Variants in DOK1 observed in about 807,000 individuals in gnomAD.
DOK1 encodes the protein Downstream of tyrosine kinase 1.
Under a neutral mutation model 24.0 loss-of-function variants are expected in DOK1, and 12 were observed. The observed-to-expected ratio is 0.50, with a 90% CI of 0.32 to 0.81. DOK1 has a LOEUF of 0.81. Among genes scored for constraint, DOK1 ranks in the 30% least tolerant of loss-of-function variants. DOK1 has a pLI of 0.03. For missense variants in DOK1, 591 were observed against 620.7 expected (o/e 0.95, Z 0.51); for synonymous variants, 250 against 260.9 (o/e 0.96, Z 0.40).
chr2:74,556,086 GGCTGT>G lies in DOK1; in HGVS notation c.639+9_639+13del. The G allele has an allele frequency of 4.4e-6, 7 of 1,575,912 alleles. No homozygotes were observed. The highest frequency in any genetic ancestry group is 6.0e-6 in the Non-Finnish European group (7 of 1,158,476). Reference sequence around the variant, plus strand: ...CGCTATGGCCGGGACAAGGTGCAGGGGCTGTCCGGGAGGGCTTCCTGGGTTGGGCA... The same window carrying G: ...CGCTATGGCCGGGACAAGGTGCAGGGCCGGGAGGGCTTCCTGGGTTGGGCA... On this transcript the variant is annotated intron_variant, in intron 4 of 4. Coordinates refer to ENST00000233668, the MANE Select transcript of DOK1 (RefSeq NM_001381.5). This position sits in a 1 kb window ranked among gnomAD's most constrained non-coding sequence, Gnocchi z 4.1.
rs1432214105 is a variant in DOK1, at chr2:74,557,049, TGGGACTGTGGGCTCTCTAGAGTA to T, written c.1389_1411del (p.Cys463Ter). 1.2e-6 allele frequency: 2 copies of T among 1,613,978 alleles called. No homozygotes were observed. The highest frequency in any genetic ancestry group is 2.7e-5 in the African/African-American group (2 of 74,908). On this transcript the variant is annotated frameshift_variant, in exon 5 of 5. Coordinates refer to ENST00000233668, the MANE Select transcript of DOK1 (RefSeq NM_001381.5). LOFTEE classifies it high-confidence loss of function. The stretch of plus-strand genomic sequence containing the variant: ...CCAGAAGAGCGGGGCCTCAGGGAGC[TGGGACTGTGGGCTCTCTAGAGTA>T]GGGACTGACAAGACTGGGGTCAAGT...
chr2:74,552,451 G>T (rs150838046), upstream of DOK1: 2 of 1,613,884 alleles, frequency 1.2e-6, no homozygotes, highest in Non-Finnish European at 1.7e-6. Flanking sequence ...TCACCAGCTC[G>T]CTGTATCTCC....
At position 74,555,661 on chromosome 2, in the gene DOK1, C is replaced by G; in HGVS notation, c.447C>G (p.Thr149=). The change falls in exon 3 of 5, where the codon ACC becomes ACG. Residue 149 remains threonine (T), a synonymous_variant. Coordinates refer to ENST00000233668, the MANE Select transcript of DOK1 (RefSeq NM_001381.5). This position sits in a 1 kb window ranked among gnomAD's most constrained non-coding sequence, Gnocchi z 6.1. ...TGGAGAACTCCTTGTACAGCCCTAC[C>G]TGGGAAGGTAGACGCCTCAGAAGCC... ...EMLENSLYSP[T]WEGSQFWVTV... 6.2e-7 allele frequency: 1 copy of G among 1,613,990 alleles called. No individual in the cohort carries two copies. The highest frequency in any genetic ancestry group is 8.5e-7 in the Non-Finnish European group (1 of 1,179,980).
chr2:74,556,672 C>T lies in DOK1; in HGVS notation c.1004C>T (p.Pro335Leu), dbSNP rs138726521. ...QAGEGVQRKK[P>L]LYWDLYEHAQ... Reference sequence around the variant, plus strand: ...GGAGAGGGAGTACAACGGAAGAAACCTCTCTATTGGGACTTGTATGAGCAT... The same window carrying T: ...GGAGAGGGAGTACAACGGAAGAAACTTCTCTATTGGGACTTGTATGAGCAT... Residue 335 changes from proline (P) to leucine (L), a missense_variant, in exon 5 of 5, where the codon CCT (proline) becomes CTT (leucine). By Grantham distance (98) the Pro-to-Leu change is moderately conservative. Transcript: ENST00000233668. The surrounding 1 kb of genome is among the most constrained non-coding windows in gnomAD (Gnocchi z 4.1). The T allele has an allele frequency of 1.2e-6, 2 of 1,614,150 alleles. No individual in the cohort carries two copies. Among genetic ancestry groups the T allele is most frequent in the Admixed American group, 1.7e-5 (1 of 60,016 alleles).
upstream of DOK1, chr2:74,550,140 G>T: frequency 6.3e-7 from 1 of 1,580,032 alleles, no homozygotes; most frequent in Non-Finnish European, 8.6e-7. Context: ...CAGTACTCTC[G>T]GCTATCCTGG....
rs767636262 is a variant in DOK1, at chr2:74,555,370, A to G, written c.277A>G (p.Thr93Ala). ...EPGATAFRLD[T>A]AQRSHLLAAD... ...CGGCGCCACTGCCTTCCGCCTGGACACTGCTCAGCGCTCGCACCTGCTGGC... is the reference window on the plus strand; with the variant it reads ...CGGCGCCACTGCCTTCCGCCTGGACGCTGCTCAGCGCTCGCACCTGCTGGC... Residue 93 changes from threonine (T) to alanine (A), a missense_variant, in exon 2 of 5, where the codon ACT becomes GCT. Thr to Ala is a moderately conservative substitution (Grantham distance 58). Transcript: ENST00000233668. This position sits in a 1 kb window ranked among gnomAD's most constrained non-coding sequence, Gnocchi z 6.1. The G allele has an allele frequency of 8.7e-6, 14 of 1,613,476 alleles. No homozygotes were observed. The South Asian group carries it at 1.5e-4, about 18-fold the overall frequency.
upstream of DOK1, chr2:74,554,542 C>T: frequency 1.7e-6 from 1 of 577,824 alleles, no homozygotes; most frequent in Non-Finnish European, 3.1e-6. This position sits in a 1 kb window ranked among gnomAD's most constrained non-coding sequence, Gnocchi z 4.9. Context: ...GCCCCCACGA[C>T]GGCGGGTAGG....
At chr2:74,552,533 C>T (rs1019312619), upstream of DOK1, 33 of 1,613,104 alleles carry the variant, frequency 2.0e-5, no homozygotes, top group Non-Finnish European at 2.8e-5. Context: ...CGGCCTTCTT[C>T]TCAGGGCCCG....
rs575981269 is a variant in DOK1 at position 74,555,841 on chromosome 2, C to T, written c.455-53C>T. 9 of 1,582,732 alleles carry T rather than the reference C, an allele frequency of 5.7e-6. No homozygotes were observed. In the East Asian group the frequency reaches 1.8e-4, roughly 32 times the overall value. On this transcript the variant is annotated intron_variant, in intron 3 of 4. Coordinates refer to ENST00000233668, the MANE Select transcript of DOK1 (RefSeq NM_001381.5). The surrounding 1 kb of genome is among the most constrained non-coding windows in gnomAD (Gnocchi z 6.1). ...TATGCTCATGAGTCCTCTGGGTCCC[C>T]ACTGCTGCCCCCGTCCCTCCCCCGC...
At chr2:74,553,906 G>C (rs1677193862), upstream of DOK1, 3 of 150,210 alleles carry the variant, frequency 2.0e-5, no homozygotes, top group South Asian at 6.3e-4. Context: ...AGGGCTGGGA[G>C]AAGAGTGCTG....
chr2:74,554,850 C>G lies in DOK1; in HGVS notation c.60+36C>G. On this transcript the variant is annotated intron_variant, in intron 1 of 4. Coordinates refer to ENST00000233668, the MANE Select transcript of DOK1 (RefSeq NM_001381.5). The surrounding 1 kb of genome is among the most constrained non-coding windows in gnomAD (Gnocchi z 4.9). ...GCATGGATGCCGAACCTTATCCGGG[C>G]TAGTAGTGGGTGAGAGAGCCCAGAA... The G allele has an allele frequency of 6.2e-7, 1 of 1,612,330 alleles. No homozygotes were observed. The highest frequency in any genetic ancestry group is 8.5e-7 in the Non-Finnish European group (1 of 1,179,212).
At chr2:74,550,056 T>C (rs2104443989), upstream of DOK1, 2 of 1,477,758 alleles carry the variant, frequency 1.4e-6, no homozygotes, top group Non-Finnish European at 1.8e-6. Flanking sequence ...TATCATTTGC[T>C]TTTCCAAGTC....
Position 74,555,697 on chromosome 2 carries a change from TG to T in DOK1, c.454+31del, listed in dbSNP as rs774170649. The T allele has an allele frequency of 1.4e-4, 226 of 1,612,802 alleles. No homozygotes were observed. The highest frequency in any genetic ancestry group is 3.3e-5 in the Admixed American group (2 of 59,926). ...GACGCCTCAGAAGCCCGGGCAGGGA[TG>T]GAGTGAAGAGGAGGAGGGCCGAGGG... On this transcript the variant is annotated intron_variant, in intron 3 of 4. Coordinates refer to ENST00000233668, the MANE Select transcript of DOK1 (RefSeq NM_001381.5). The surrounding 1 kb of genome is among the most constrained non-coding windows in gnomAD (Gnocchi z 6.1).
rs2104465795 is a variant in DOK1 at position 74,554,972 on chromosome 2, C to G, written c.60+158C>G. On this transcript the variant is annotated intron_variant, in intron 1 of 4. Transcript: ENST00000233668. The surrounding 1 kb of genome is among the most constrained non-coding windows in gnomAD (Gnocchi z 4.9). Reference sequence around the variant, plus strand: ...TGCTTTGCACACTCCCGGGAAGCGTCTGTAGTCTAGGGGTTCTGGTCCTGG... The same window carrying G: ...TGCTTTGCACACTCCCGGGAAGCGTGTGTAGTCTAGGGGTTCTGGTCCTGG... The G allele has an allele frequency of 7.0e-7, 1 of 1,425,092 alleles. No homozygotes were observed. Among genetic ancestry groups the G allele is most frequent in the East Asian group, 2.5e-5 (1 of 40,278 alleles). 88.3% of individuals were successfully genotyped at this position (1,425,092 alleles called of 1,614,324 possible). A position where few individuals can be genotyped will look rare whatever the true frequency, so the allele number is the denominator to read the frequency against.
Position 74,556,088 on chromosome 2 carries a change from C to A in DOK1, c.639+10C>A. 1 of 1,573,926 alleles carries A rather than the reference C, an allele frequency of 6.4e-7. No individual in the cohort carries two copies. Among genetic ancestry groups the A allele is most frequent in the Non-Finnish European group, 8.6e-7 (1 of 1,157,460 alleles). On this transcript the variant is annotated intron_variant, in intron 4 of 4. Transcript: ENST00000233668. This position sits in a 1 kb window ranked among gnomAD's most constrained non-coding sequence, Gnocchi z 4.1. ...CTATGGCCGGGACAAGGTGCAGGGG[C>A]TGTCCGGGAGGGCTTCCTGGGTTGG...
In DOK1 at chr2:74,549,416, C is replaced by G. The variant is rs1676845084; in HGVS notation, c.-358+244C>G. On this transcript the variant is annotated intron_variant, in intron 1 of 4. Transcript: ENST00000409429. This position sits in a 1 kb window ranked among gnomAD's most constrained non-coding sequence, Gnocchi z 5.3. ...TCTTTTCGCTGGGGAAGCCCAGCAT[C>G]CCGCAGACCACGTGGCTGTTGTGGG... 1.2e-6 allele frequency: 2 copies of G among 1,612,566 alleles called. No individual in the cohort carries two copies. The highest frequency in any genetic ancestry group is 1.7e-6 in the Non-Finnish European group (2 of 1,179,304).
chr2:74,557,284 C>G lies in DOK1; in HGVS notation c.*170C>G, dbSNP rs1677551757. Reference sequence around the variant, plus strand: ...AAGGGAAGGACAATCCCAGGAAGTCCTAAGAAGTGGGGCAGATGGCAGGGC... The same window carrying G: ...AAGGGAAGGACAATCCCAGGAAGTCGTAAGAAGTGGGGCAGATGGCAGGGC... On this transcript the variant is annotated 3_prime_UTR_variant, in exon 5 of 5. Transcript: ENST00000233668. The G allele has an allele frequency of 4.4e-6, 3 of 687,442 alleles. No homozygotes were observed. Among genetic ancestry groups the G allele is most frequent in the Non-Finnish European group, 7.0e-6 (3 of 425,568 alleles). The allele number at this position is 687,442 out of a possible 1,614,324, so 42.6% of individuals were successfully genotyped here. A position where few individuals can be genotyped will look rare whatever the true frequency, so the allele number is the denominator to read the frequency against.
Position 74,556,688 on chromosome 2 carries a change from G to A in DOK1, c.1020G>A (p.Leu340=), listed in dbSNP as rs143653664. ...GGAAGAAACCTCTCTATTGGGACTT[G>A]TATGAGCATGCGCAGCAGCAGTTGC... The part of the protein sequence containing the change: ...VQRKKPLYWD[L]YEHAQQQLLK... Residue 340 remains leucine, a synonymous_variant, in exon 5 of 5, where the codon TTG becomes TTA. Transcript: ENST00000233668. This position sits in a 1 kb window ranked among gnomAD's most constrained non-coding sequence, Gnocchi z 4.1. The A allele has an allele frequency of 6.2e-7, 1 of 1,614,254 alleles. No homozygotes were observed.
rs529903299 is a variant in DOK1, at chr2:74,555,587, A to C, written c.373A>C (p.Thr125Pro). Residue 125 changes from threonine (T) to proline (P), a missense_variant, in exon 3 of 5, where the codon ACT (threonine) becomes CCT (proline). Thr to Pro is a conservative substitution (Grantham distance 38). Transcript: ENST00000233668. This position sits in a 1 kb window ranked among gnomAD's most constrained non-coding sequence, Gnocchi z 6.1. ...CRNAFPKGSW[T>P]LAPTDNPPKL... ...CTCTCTACTACAGAAAGGCAGCTGG[A>C]CTCTGGCGCCTACCGATAACCCACC... 1.4e-5 allele frequency: 22 copies of C among 1,613,892 alleles called. No individual in the cohort carries two copies. Among genetic ancestry groups the C allele is most frequent in the Non-Finnish European group, 1.8e-5 (21 of 1,180,026 alleles).
Sources: gnomAD v4.1 joint callset for allele counts on GRCh38, gnomAD v4.1.1 for gene constraint, Gnocchi (gnomAD v3.1) non-coding constraint, MANE v1.5 for transcripts, NCBI Gene and HGNC (gene_info 2026-07-23, HGNC 2026-07-21) for gene names.